Variants in DAB1 observed in about 807,000 individuals in gnomAD.
DAB1 encodes the protein DAB adaptor protein 1, also known as disabled homolog 1.
In DAB1, 15 loss-of-function variants were observed where a neutral mutation model predicts 64.6. That is an observed-to-expected ratio of 0.23 (90% CI 0.16 to 0.36). The LOEUF (loss-of-function observed/expected upper bound fraction) is 0.36, where lower values mean the gene tolerates loss of function less well. Ranked by LOEUF, DAB1 falls within the 10% of genes least tolerant of loss-of-function variation. The pLI, the probability that DAB1 is intolerant of heterozygous loss-of-function variation, is 1.00. For synonymous variants in DAB1, 235 were observed against 251.9 expected, an observed-to-expected ratio of 0.93 and a Z score of 0.64; for missense variants, 596 against 706.7, an observed-to-expected ratio of 0.84 and a Z score of 1.78.
rs544225518 is a variant in DAB1, at chr1:58,330,874, A to C, written n.309+12478T>G. 2.0e-5 allele frequency among the ~76,000 whole-genome samples: 3 copies of C among 152,310 alleles called. No individual in the cohort carries two copies. In the East Asian group the frequency reaches 5.8e-4, roughly 29 times the overall value. ...GTCATTCAACCCTGGGCTCTGATGG[A>C]GATATACAAAGAGATGAATGTTGTT... On this transcript the variant is annotated intron_variant and non_coding_transcript_variant, in intron 4 of 20. Transcript: ENST00000485760.
chr1:57,306,384 C>T (rs1360484553), intron 1 of DAB1, among the ~76,000 whole-genome samples: 4 of 152,156 alleles, frequency 2.6e-5, no homozygotes, highest in African/African-American at 9.7e-5. Flanking sequence ...CAAGAAAGCT[C>T]CACATATATA....
chr1:57,459,715 A>G (rs558030704), intron 7 of DAB1, among the ~76,000 whole-genome samples: 1 of 152,350 alleles, frequency 6.6e-6, no homozygotes, highest in African/African-American at 2.4e-5. Flanking sequence ...CAAATTACAT[A>G]GAACAAAGAT....
chr1:58,143,461 C>T (rs1308703475), intron 5 of DAB1, among the ~76,000 whole-genome samples: 1 of 152,140 alleles, frequency 6.6e-6, no homozygotes, highest in Middle Eastern at 3.2e-3. Context: ...TTCTGAGACA[C>T]TCCTGAAATA....
At chr1:58,248,902 T>C (rs575167315) in intron 4 of DAB1, among the ~76,000 whole-genome samples, 1 of 152,272 alleles carries the variant, frequency 6.6e-6, no homozygotes, top group South Asian at 2.1e-4. Context: ...ATCAGGGGAA[T>C]TGTGCATTCT....
intron 5 of DAB1, among the ~76,000 whole-genome samples, chr1:57,901,735 T>C (rs1644476976): frequency 6.6e-6 from 1 of 152,070 alleles, no homozygotes; most frequent in South Asian, 2.1e-4. Context: ...GGCTTGTTAG[T>C]TCAGGCACTG....
At chr1:57,680,816 C>A (rs1156820346) in intron 6 of DAB1, among the ~76,000 whole-genome samples, 2 of 152,252 alleles carry the variant, frequency 1.3e-5, no homozygotes, top group South Asian at 2.1e-4. Context: ...TACAGCAAGT[C>A]TTATACTGAA....
intron 5 of DAB1, among the ~76,000 whole-genome samples, chr1:58,111,134 C>G (rs1651944294): frequency 1.3e-5 from 2 of 152,290 alleles, no homozygotes; most frequent in South Asian, 4.1e-4. Context: ...CAAGTCTCTG[C>G]AAATTCAGAT....
At chr1:57,617,538 T>A (rs1421198750) in intron 7 of DAB1, among the ~76,000 whole-genome samples, 1 of 152,120 alleles carries the variant, frequency 6.6e-6, no homozygotes, top group Non-Finnish European at 1.5e-5. Context: ...CCCTACAAGC[T>A]CAGATGCCAT....
At chr1:57,510,451 G>A (rs1475262349) in intron 7 of DAB1, among the ~76,000 whole-genome samples, 5 of 152,138 alleles carry the variant, frequency 3.3e-5, no homozygotes, top group African/African-American at 7.2e-5. Flanking sequence ...CTATCTATAC[G>A]TTCTCCTTGA....
intron 7 of DAB1, chr1:57,649,513 A>T (rs1646231470): frequency 6.6e-6 from 1 of 152,200 alleles, no homozygotes; most frequent in Admixed American, 6.5e-5. Context: ...GAGAGAACCC[A>T]GAGATATTTG....
chr1:57,439,429 T>TC (rs1685837339), intron 7 of DAB1, among the ~76,000 whole-genome samples: 1 of 127,968 alleles, frequency 7.8e-6, no homozygotes, highest in Non-Finnish European at 1.6e-5. Context: ...TTTTTTCTTT[T>TC]TTTTTTTTTT....
intron 6 of DAB1, among the ~76,000 whole-genome samples, chr1:57,797,215 G>A (rs887779015): frequency 6.6e-6 from 1 of 152,154 alleles, no homozygotes; most frequent in Admixed American, 6.5e-5. Flanking sequence ...GGTTAGAAAG[G>A]GACTTTCTTC....
chr1:58,417,408 C>T (rs1644731182), intron 3 of DAB1, among the ~76,000 whole-genome samples: 1 of 152,174 alleles, frequency 6.6e-6, no homozygotes, highest in Non-Finnish European at 1.5e-5. Flanking sequence ...GTCACAACAC[C>T]CCAAATGCCA....
intron 6 of DAB1, among the ~76,000 whole-genome samples, chr1:57,736,736 T>A (rs904725666): frequency 3.3e-5 from 5 of 152,098 alleles, no homozygotes; most frequent in Non-Finnish European, 7.4e-5. Flanking sequence ...CCTCCCTGCC[T>A]CTCCATCCTT....
intron 6 of DAB1, among the ~76,000 whole-genome samples, chr1:57,694,597 G>A (rs1031894501): frequency 1.3e-5 from 2 of 152,136 alleles, no homozygotes; most frequent in African/African-American, 4.8e-5. Flanking sequence ...AAGGAAGTAG[G>A]CAGGGGACCA....
intron 2 of DAB1, among the ~76,000 whole-genome samples, chr1:58,515,954 T>C (rs552235231): frequency 1.3e-5 from 2 of 152,338 alleles, no homozygotes; most frequent in Admixed American, 1.3e-4. Flanking sequence ...ATTTCTGTGA[T>C]GAAAAATAGA....
At chr1:57,982,799 T>C (rs1646098416) in intron 5 of DAB1, among the ~76,000 whole-genome samples, 1 of 152,210 alleles carries the variant, frequency 6.6e-6, no homozygotes, top group African/African-American at 2.4e-5. Flanking sequence ...CATCCTTTCA[T>C]AGAGGATGGG....
chr1:58,335,211 C>T (rs1265337999), intron 4 of DAB1, among the ~76,000 whole-genome samples: 1 of 152,098 alleles, frequency 6.6e-6, no homozygotes, highest in East Asian at 1.9e-4. Flanking sequence ...GAAGGACTAG[C>T]AAAGTCCAAG....
chr1:57,724,229 C>T (rs1398545989), intron 6 of DAB1, among the ~76,000 whole-genome samples: 2 of 136,554 alleles, frequency 1.5e-5, no homozygotes, highest in Non-Finnish European at 3.1e-5. Context: ...CAAGATGGTG[C>T]AGGAGGAAGA....
Sources: gnomAD v4.1 joint callset for allele counts (sites outside exome capture counted in the v4.1 genomes callset) on GRCh38, gnomAD v4.1.1 for gene constraint, MANE v1.5 for transcripts, NCBI Gene and HGNC (gene_info 2026-07-23, HGNC 2026-07-21) for gene names.